The following LITAF variants were observed in gnomAD, a reference collection of about 807,000 sequenced individuals.
LITAF encodes the protein lipopolysaccharide induced TNF factor.
LITAF carries 9 observed loss-of-function variants against 14.5 expected under a neutral mutation model. The ratio of observed to expected loss-of-function variants is 0.62; its 90% CI spans 0.37 to 1.08. The LOEUF is 1.08. Ranked by LOEUF, LITAF falls within the 50% of genes least tolerant of loss-of-function variation. The pLI is 0.01. For synonymous variants in LITAF, 98 were observed against 88.2 expected (o/e 1.11, Z -0.62); for missense variants, 206 against 213.4 (o/e 0.97, Z 0.22).
At chr16:11,618,989 AAAACAAAACAAACAAAC>A (rs2065034022) in intron 3 of LITAF, among the ~76,000 whole-genome samples, 1 of 132,954 alleles carries the variant, frequency 7.5e-6, no homozygotes. Flanking sequence ...TCTTAAAAAA[AAAACAAAACAAACAAAC>A]AAACAAAAAA....
intron 1 of LITAF, among the ~76,000 whole-genome samples, chr16:11,579,220 G>C (rs374014423): frequency 6.6e-6 from 1 of 151,884 alleles, no homozygotes; most frequent in African/African-American, 2.4e-5. Flanking sequence ...GGGAGGCCGA[G>C]GCAGGTGGAT....
intron 1 of LITAF, among the ~76,000 whole-genome samples, chr16:11,563,331 G>C (rs568183230): frequency 6.6e-6 from 1 of 151,964 alleles, no homozygotes; most frequent in Admixed American, 6.6e-5. Context: ...GTATTTTTTA[G>C]TAGAGACAGG....
rs1230399919 is a variant in LITAF at position 11,632,379 on chromosome 16, C to T, written c.85+1154G>A. Among the ~76,000 whole-genome samples the T allele has an allele frequency of 2.0e-5, 3 of 151,910 alleles. No individual in the cohort carries two copies. Among genetic ancestry groups the T allele is most frequent in the African/African-American group, 7.3e-5 (3 of 41,328 alleles). On this transcript the variant is annotated intron_variant, in intron 3 of 3. Coordinates refer to the LITAF transcript ENST00000574848. This position sits in a 1 kb window ranked among gnomAD's most constrained non-coding sequence, Gnocchi z 4.8. ...GAAGGTGAAGGAGGCACCGAGATGA[C>T]AGAGACAGGGAGAGGGACAGAGACA...
chr16:11,615,495 C>A (rs1269197690), intron 3 of LITAF, among the ~76,000 whole-genome samples: 1 of 151,958 alleles, frequency 6.6e-6, no homozygotes, highest in African/African-American at 2.4e-5. Flanking sequence ...CGAGATCACA[C>A]CATTGCACTG....
upstream of LITAF, among the ~76,000 whole-genome samples, chr16:11,590,140 A>AAG (rs1010791732): frequency 2.6e-5 from 3 of 114,676 alleles, 1 homozygote; most frequent in African/African-American, 8.3e-5. Flanking sequence ...AAAAAAAAAA[A>AAG]AGAGAGAGAG....
At chr16:11,569,507 G>T (rs2047656036) in intron 1 of LITAF, among the ~76,000 whole-genome samples, 1 of 152,136 alleles carries the variant, frequency 6.6e-6, no homozygotes, top group South Asian at 2.1e-4. Context: ...CTCTCAAAGT[G>T]CTGGGATTAA....
At chr16:11,581,547 A>G (rs2064735191) in intron 1 of LITAF, among the ~76,000 whole-genome samples, 1 of 152,106 alleles carries the variant, frequency 6.6e-6, no homozygotes, top group South Asian at 2.1e-4. Flanking sequence ...CTCGAGAGGG[A>G]GGTTGAGGCT....
chr16:11,583,394 C>G (rs893230571), intron 1 of LITAF, among the ~76,000 whole-genome samples: 1 of 152,140 alleles, frequency 6.6e-6, no homozygotes, highest in African/African-American at 2.4e-5. Context: ...GAAACCACAT[C>G]CCTAGTTTCC....
intron 1 of LITAF, among the ~76,000 whole-genome samples, chr16:11,576,554 A>AAAAAAAAAAAAAAAAAAAAAAAAAAAC (rs1555469756): frequency 8.6e-6 from 1 of 116,642 alleles, no homozygotes; most frequent in African/African-American, 3.3e-5. Flanking sequence ...AAAAAAAAAA[A>AAAAAAAAAAAAAAAAAAAAAAAAAAAC]AGAGAGAGAG....
intron 1 of LITAF, among the ~76,000 whole-genome samples, chr16:11,569,977 G>A (rs958118354): frequency 1.3e-5 from 2 of 150,722 alleles, no homozygotes; most frequent in Non-Finnish European, 2.9e-5. Context: ...ATTGCAGTGA[G>A]ACGAGACGCA....
chr16:11,560,119 A>G (rs2064337317), intron 1 of LITAF, among the ~76,000 whole-genome samples: 1 of 152,050 alleles, frequency 6.6e-6, no homozygotes, highest in African/African-American at 2.4e-5. Context: ...CAACATGGTG[A>G]AACCCCGTCT....
At chr16:11,570,029 C>CCAAAAAAAAAA (rs2064517697) in intron 1 of LITAF, among the ~76,000 whole-genome samples, 1 of 122,826 alleles carries the variant, frequency 8.1e-6, no homozygotes, top group African/African-American at 3.0e-5. Flanking sequence ...GACTTTGCCT[C>CCAAAAAAAAAA]AAAAAAAAAA....
chr16:11,622,099 G>T (rs1368065793), intron 3 of LITAF, among the ~76,000 whole-genome samples: 1 of 152,204 alleles, frequency 6.6e-6, no homozygotes, highest in Non-Finnish European at 1.5e-5. Context: ...GGCTGATGAG[G>T]GTGGAGGCAG....
upstream of LITAF, among the ~76,000 whole-genome samples, chr16:11,638,028 A>C (rs192645078): frequency 5.8e-3 from 571 of 98,052 alleles, 57 homozygotes; most frequent in African/African-American, 0.019. Flanking sequence ...ATATATCTAT[A>C]TATCTATATA....
chr16:11,554,932 G>C (rs550917513), intron 2 of LITAF, among the ~76,000 whole-genome samples: 1 of 152,076 alleles, frequency 6.6e-6, no homozygotes, highest in Admixed American at 6.6e-5. Context: ...AAATGAATTA[G>C]GGGGAAATTA....
Position 11,576,343 on chromosome 16 carries a change from C to A in LITAF, c.-6+10543G>T, listed in dbSNP as rs368658144. Among the ~76,000 whole-genome samples, 321 of 152,084 alleles carry A rather than the reference C, an allele frequency of 2.1e-3. 3 individuals are homozygous for A. Among genetic ancestry groups the A allele is most frequent in the Middle Eastern group, 0.014 (4 of 294 alleles). On this transcript the variant is annotated intron_variant, in intron 1 of 3. Transcript: ENST00000622633. The stretch of plus-strand genomic sequence containing the variant: ...AATTAGCTGGGCAAGGTGGTGCATG[C>A]CTGTAGTCCCAGTTACTCCAGAGGC...
rs1239187109 is a variant in LITAF at position 11,549,128 on chromosome 16, C to A, written c.*509G>T. On this transcript the variant is annotated 3_prime_UTR_variant, in exon 4 of 4. Coordinates refer to ENST00000622633, the MANE Select transcript of LITAF (RefSeq NM_001136472.2). This position sits in a 1 kb window ranked among gnomAD's most constrained non-coding sequence, Gnocchi z 4.6. Reference sequence around the variant, plus strand: ...GCAGTTACAGAATCTCAAAGCCAAGCCTGTAAAGTCTGTAAGGCAAGATCT... The same window carrying A: ...GCAGTTACAGAATCTCAAAGCCAAGACTGTAAAGTCTGTAAGGCAAGATCT... 2.2e-6 allele frequency: 1 copy of A among 454,016 alleles called. No homozygotes were observed. The highest frequency in any genetic ancestry group is 4.4e-6 in the Non-Finnish European group (1 of 226,784). The allele number at this position is 454,016 out of a possible 1,614,324, so 28.1% of individuals were successfully genotyped here. A position where few individuals can be genotyped will look rare whatever the true frequency, so the allele number is the denominator to read the frequency against.
chr16:11,591,358 A>T (rs182072034), upstream of LITAF, among the ~76,000 whole-genome samples: 1 of 117,238 alleles, frequency 8.5e-6, no homozygotes. Context: ...CTAATTTTTA[A>T]ATTTTTTGTA....
At position 11,572,788 on chromosome 16, in the gene LITAF, A is replaced by G. The variant is rs113434312; in HGVS notation, c.-6+14098T>C. Among the ~76,000 whole-genome samples, 411 of 152,344 alleles carry G rather than the reference A, an allele frequency of 2.7e-3. 1 individual carries two copies. Among genetic ancestry groups the G allele is most frequent in the African/African-American group, 9.6e-3 (400 of 41,578 alleles). On this transcript the variant is annotated intron_variant, in intron 1 of 3. Transcript: ENST00000622633. ...AGTTGGAAAAACTGGTGATGTCCAAATAAAGCCTGGAGTTTGGTAAACAGT... is the reference window on the plus strand; with the variant it reads ...AGTTGGAAAAACTGGTGATGTCCAAGTAAAGCCTGGAGTTTGGTAAACAGT...
Sources: allele counts gnomAD v4.1 joint callset (sites outside exome capture counted in the v4.1 genomes callset), GRCh38; gene constraint gnomAD v4.1.1; non-coding constraint Gnocchi (gnomAD v3.1); transcripts MANE v1.5; gene names NCBI Gene and HGNC (gene_info 2026-07-23, HGNC 2026-07-21).